The following UBR2 variants were observed in gnomAD, a reference collection of about 807,000 sequenced individuals.
UBR2 encodes the protein E3 ubiquitin-protein ligase UBR2.
Under a neutral mutation model 247.9 loss-of-function variants are expected in UBR2, and 92 were observed. The ratio of observed to expected loss-of-function variants is 0.37; its 90% CI spans 0.31 to 0.44. The LOEUF is 0.44. Ranked by LOEUF, UBR2 falls within the 20% of genes least tolerant of loss-of-function variation. The pLI is 1.00. For missense variants in UBR2, 1,613 were observed against 2,112.6 expected (o/e 0.76, Z 4.64); for synonymous variants, 672 against 693.5 (o/e 0.97, Z 0.49).
chr6:42,640,955 G>A (rs59959258), intron 16 of UBR2, among the ~76,000 whole-genome samples: 4 of 151,674 alleles, frequency 2.6e-5, no homozygotes, highest in South Asian at 2.1e-4. Flanking sequence ...TCTGGAACTC[G>A]TGATCTCAGG....
chr6:42,597,728 C>T (rs914321641), intron 4 of UBR2, among the ~76,000 whole-genome samples: 5 of 151,612 alleles, frequency 3.3e-5, no homozygotes, highest in Non-Finnish European at 7.4e-5. Flanking sequence ...AGCTTGGTCT[C>T]GAACATGGAG....
In UBR2 at chr6:42,611,152, TA is replaced by T. The variant is rs77005793; in HGVS notation, c.865-1003del. ...TGAGCTACCGTGCCCAGCCATGATT[TA>T]AAAAAAAAAAAAAAAGTTGATAACA... is the stretch of plus-strand genomic sequence containing the variant. On this transcript the variant is annotated intron_variant, in intron 7 of 46. Transcript: ENST00000372901. Among the ~76,000 whole-genome samples the T allele has an allele frequency of 4.0e-3, 520 of 128,838 alleles. 1 individual carries two copies. Among genetic ancestry groups the T allele is most frequent in the Middle Eastern group, 7.5e-3 (2 of 266 alleles). 84.5% of individuals were successfully genotyped at this position (128,838 alleles called of 152,430 possible).
chr6:42,641,788 A>G (rs565190208), intron 17 of UBR2, 96 bp downstream of exon 17: 12 of 888,350 alleles, frequency 1.4e-5, no homozygotes, highest in Middle Eastern at 2.3e-4. Context: ...AAAGCTGAGT[A>G]TCTATATTAA....
Position 42,678,645 on chromosome 6 carries a change from G to A in UBR2, c.4585G>A (p.Val1529Ile). 1.2e-6 allele frequency: 2 copies of A among 1,611,202 alleles called. No individual in the cohort carries two copies. The highest frequency in any genetic ancestry group is 1.7e-6 in the Non-Finnish European group (2 of 1,178,804). The change falls in exon 41 of 47, where the codon GTT (valine) becomes ATT (isoleucine). Residue 1529 changes from valine (V) to isoleucine (I), a missense_variant. Transcript: ENST00000372901. ...SALFFHYLNGVPSPPDIQVPG... is the reference protein window; with the variant it reads ...SALFFHYLNGIPSPPDIQVPG... The stretch of plus-strand genomic sequence containing the variant: ...TTTATTTTTTCATTACTTAAATGGA[G>A]TTCCTTCCCCACCCGACATTCAAGG...
chr6:42,676,289 C>T (rs1582712920), intron 39 of UBR2, 98 bp downstream of exon 39: 15 of 1,330,848 alleles, frequency 1.1e-5, no homozygotes, highest in Non-Finnish European at 1.4e-5. Flanking sequence ...ATGAGAATAA[C>T]ACATGAATAA....
At chr6:42,667,736 A>T (rs542769308) in intron 34 of UBR2, among the ~76,000 whole-genome samples, 1 of 126,704 alleles carries the variant, frequency 7.9e-6, no homozygotes, top group African/African-American at 3.0e-5. Flanking sequence ...GGTGCAGTAG[A>T]TCTATCCAAT....
intron 11 of UBR2, among the ~76,000 whole-genome samples, chr6:42,620,605 A>G (rs569913260): frequency 2.7e-5 from 4 of 148,768 alleles, no homozygotes. Flanking sequence ...CTGGGACTAC[A>G]TGCGTGCCCA....
chr6:42,609,411 G>C (rs1254624582), intron 7 of UBR2, among the ~76,000 whole-genome samples: 1 of 152,102 alleles, frequency 6.6e-6, no homozygotes, highest in Admixed American at 6.6e-5. Context: ...ATGCACAAAA[G>C]CATGTGTAGT....
intron 1 of UBR2, among the ~76,000 whole-genome samples, chr6:42,566,253 T>C (rs1295903121): frequency 1.3e-5 from 2 of 152,166 alleles, no homozygotes; most frequent in Non-Finnish European, 2.9e-5. Context: ...CCAGTGCTCC[T>C]AGTTCTTGTT....
intron 34 of UBR2, among the ~76,000 whole-genome samples, chr6:42,667,552 A>G (rs1243480420): frequency 1.0e-5 from 1 of 99,616 alleles, no homozygotes. Context: ...CAAGTTGCGT[A>G]TTAGAATTAT....
At position 42,593,880 on chromosome 6, in the gene UBR2, A is replaced by C. The variant is rs573611047; in HGVS notation, c.418-311A>C. On this transcript the variant is annotated intron_variant, in intron 3 of 46. Coordinates refer to ENST00000372901, the MANE Select transcript of UBR2 (RefSeq NM_001363705.2). ...CACAACCTGTAGCGTAGATATCAGC[A>C]TTATACCAATTTAACCAAAACCCAG... Among the ~76,000 whole-genome samples the C allele has an allele frequency of 2.5e-4, 38 of 152,290 alleles. No individual in the cohort carries two copies. In the South Asian group the frequency reaches 7.0e-3, roughly 28 times the overall value.
At chr6:42,640,954 C>A (rs562772557) in intron 16 of UBR2, among the ~76,000 whole-genome samples, 1 of 152,008 alleles carries the variant, frequency 6.6e-6, no homozygotes, top group South Asian at 2.1e-4. Flanking sequence ...GTCTGGAACT[C>A]GTGATCTCAG....
At chr6:42,633,830 A>G (rs562938736) in intron 13 of UBR2, among the ~76,000 whole-genome samples, 2 of 152,232 alleles carry the variant, frequency 1.3e-5, no homozygotes, top group Non-Finnish European at 2.9e-5. Context: ...TCCTGGGTTC[A>G]AGTGATTCTC....
chr6:42,613,843 T>A (rs2151936491), intron 8 of UBR2, among the ~76,000 whole-genome samples: 1 of 151,996 alleles, frequency 6.6e-6, no homozygotes, highest in African/African-American at 2.4e-5. Flanking sequence ...TTTTTTTAAT[T>A]TTGCATGCTT....
At chr6:42,674,338 A>T in intron 38 of UBR2, 145 bp downstream of exon 38, 1 of 713,762 alleles carries the variant, frequency 1.4e-6, no homozygotes. Flanking sequence ...AGAAACCTCA[A>T]AAAGAAAATA....
chr6:42,577,583 G>GT (rs1791607279), intron 2 of UBR2, among the ~76,000 whole-genome samples: 1 of 152,034 alleles, frequency 6.6e-6, no homozygotes, highest in African/African-American at 2.4e-5. Context: ...TGTTGATTTT[G>GT]ATAATTGTAT....
At chr6:42,595,711 C>T (rs1021136790) in intron 4 of UBR2, among the ~76,000 whole-genome samples, 1 of 149,600 alleles carries the variant, frequency 6.7e-6, no homozygotes, top group Non-Finnish European at 1.5e-5. Flanking sequence ...GATCATGACC[C>T]TGTCTTTAAA....
chr6:42,670,165 G>A lies in UBR2; in HGVS notation c.3955G>A (p.Val1319Ile). Reference protein sequence around the residue: ...GTATYKVGLKVHPNEEDPRVP... With the variant: ...GTATYKVGLKIHPNEEDPRVP... ...TGCTACCTACAAGGTGGGACTAAAG[G>A]TTCATCCCAATGAAGAGGATCCTCG... The change falls in exon 35 of 47, where the codon GTT becomes ATT. Residue 1319 changes from valine (V) to isoleucine (I), a missense_variant. Transcript: ENST00000372901. 6.2e-7 allele frequency: 1 copy of A among 1,614,116 alleles called. No individual in the cohort carries two copies. Among genetic ancestry groups the A allele is most frequent in the Non-Finnish European group, 8.5e-7 (1 of 1,180,004 alleles).
chr6:42,663,850 T>G (rs531814512), intron 32 of UBR2, among the ~76,000 whole-genome samples: 2 of 152,122 alleles, frequency 1.3e-5, no homozygotes, highest in African/African-American at 2.4e-5. Flanking sequence ...TGAAAATCTG[T>G]TGGTATATTT....
Sources: allele counts gnomAD v4.1 joint callset (sites outside exome capture counted in the v4.1 genomes callset), GRCh38; gene constraint gnomAD v4.1.1; transcripts MANE v1.5; gene names NCBI Gene and HGNC (gene_info 2026-07-23, HGNC 2026-07-21).